The following KIAA1549L variants were observed in gnomAD, a reference collection of about 807,000 sequenced individuals.
KIAA1549L encodes KIAA1549 like.
In KIAA1549L, 88 loss-of-function variants were observed where a neutral mutation model predicts 160.7. The ratio of observed to expected loss-of-function variants is 0.55; its 90% CI spans 0.46 to 0.65. KIAA1549L has a LOEUF of 0.65. Ranked by LOEUF, KIAA1549L falls within the 30% of genes least tolerant of loss-of-function variation. The pLI, the probability that KIAA1549L is intolerant of heterozygous loss-of-function variation, is 0.00. For missense variants in KIAA1549L, 2,258 were observed against 2,437.5 expected, an observed-to-expected ratio of 0.93 and a Z score of 1.55; for synonymous variants, 950 against 976.7, an observed-to-expected ratio of 0.97 and a Z score of 0.51.
At chr11:33,467,296 A>C (rs1852083989) in intron 1 of KIAA1549L, among the ~76,000 whole-genome samples, 1 of 152,220 alleles carries the variant, frequency 6.6e-6, no homozygotes, top group Non-Finnish European at 1.5e-5. Context: ...TGAGAATGTC[A>C]GTCTGTTTTG....
intron 1 of KIAA1549L, among the ~76,000 whole-genome samples, chr11:33,535,316 G>A (rs185063863): frequency 4.0e-5 from 6 of 151,886 alleles, no homozygotes; most frequent in Non-Finnish European, 7.4e-5. Context: ...TGCAATATGC[G>A]GTATTATATA....
chr11:33,466,753 T>G (rs897054805), intron 1 of KIAA1549L, among the ~76,000 whole-genome samples: 1 of 151,758 alleles, frequency 6.6e-6, no homozygotes, highest in Admixed American at 6.6e-5. Context: ...ATAAAGAAAA[T>G]GTGGCACATA....
chr11:33,398,797 A>G (rs1850438208), intron 1 of KIAA1549L, among the ~76,000 whole-genome samples: 1 of 152,178 alleles, frequency 6.6e-6, no homozygotes, highest in African/African-American at 2.4e-5. Flanking sequence ...AATTCATCAC[A>G]ATCTCTGAAT....
intron 1 of KIAA1549L, among the ~76,000 whole-genome samples, chr11:33,510,000 G>T (rs1221295143): frequency 6.6e-6 from 1 of 152,168 alleles, no homozygotes; most frequent in Non-Finnish European, 1.5e-5. Flanking sequence ...ATGAGAGTGG[G>T]TTTTGAGGGA....
In KIAA1549L at chr11:33,542,025, C is replaced by G. The variant is rs1462643383; in HGVS notation, c.462C>G (p.Asp154Glu). Reference sequence around the variant, plus strand: ...ACCACAGAACTAGGGCTCACGCGGACTTCTCTTCTTCCCTTTACCAAGGAA... The same window carrying G: ...ACCACAGAACTAGGGCTCACGCGGAGTTCTCTTCTTCCCTTTACCAAGGAA... ...KTHHRTRAHA[D>E]FSSSLYQGSG... Residue 154 changes from aspartate to glutamate, a missense_variant, in exon 2 of 21, where the codon GAC becomes GAG. Physicochemically the swap from Asp to Glu is conservative, Grantham distance 45. Around this residue, in one of 6 missense-constraint regions of KIAA1549L, gnomAD observed 540 missense variants for 465.7 expected, o/e 1.16. Coordinates refer to ENST00000658780, the MANE Select transcript of KIAA1549L (RefSeq NM_012194.3). 1 of 457,710 alleles carries G rather than the reference C, an allele frequency of 2.2e-6. No homozygotes were observed. The highest frequency in any genetic ancestry group is 6.9e-5 in the East Asian group (1 of 14,428). 28.4% of individuals were successfully genotyped at this position (457,710 alleles called of 1,614,324 possible).
chr11:33,583,958 T>TA (rs898533638), intron 11 of KIAA1549L, among the ~76,000 whole-genome samples: 2 of 152,160 alleles, frequency 1.3e-5, no homozygotes, highest in African/African-American at 4.8e-5. Context: ...TCCACAGATT[T>TA]ATATGTTGAA....
At chr11:33,567,185 T>A (rs769027368) in intron 8 of KIAA1549L, among the ~76,000 whole-genome samples, 39 of 152,326 alleles carry the variant, frequency 2.6e-4, no homozygotes, top group East Asian at 1.9e-4. Context: ...TGGCTATAGA[T>A]GAAGCCTAGC....
chr11:33,659,734 G>A (rs1590457593), intron 19 of KIAA1549L, among the ~76,000 whole-genome samples: 1 of 152,200 alleles, frequency 6.6e-6, no homozygotes, highest in Non-Finnish European at 1.5e-5. Context: ...ACTCTCCTGG[G>A]AGGAAAACAC....
intron 1 of KIAA1549L, among the ~76,000 whole-genome samples, chr11:33,510,788 C>T (rs1853211276): frequency 6.6e-6 from 1 of 152,210 alleles, no homozygotes; most frequent in African/African-American, 2.4e-5. Context: ...AGTGGGTGTT[C>T]CTCAGAGTCA....
At chr11:33,584,149 G>C (rs1855735878) in intron 11 of KIAA1549L, among the ~76,000 whole-genome samples, 1 of 152,230 alleles carries the variant, frequency 6.6e-6, no homozygotes, top group South Asian at 2.1e-4. Flanking sequence ...CCTCACCTCT[G>C]ACCATCCTGG....
intron 16 of KIAA1549L, among the ~76,000 whole-genome samples, chr11:33,632,165 A>G (rs1590418609): frequency 6.6e-6 from 1 of 152,190 alleles, no homozygotes; most frequent in South Asian, 2.1e-4. Context: ...AAATCCAGGC[A>G]TGGTTTGGTT....
intron 1 of KIAA1549L, among the ~76,000 whole-genome samples, chr11:33,482,808 T>TATCC (rs1441300029): frequency 6.6e-6 from 1 of 151,994 alleles, no homozygotes; most frequent in Non-Finnish European, 1.5e-5. Flanking sequence ...GACTTCAAGT[T>TATCC]ATCCACCCGC....
At chr11:33,417,863 C>T (rs1040708775) in intron 1 of KIAA1549L, among the ~76,000 whole-genome samples, 7 of 151,418 alleles carry the variant, frequency 4.6e-5, no homozygotes, top group Admixed American at 2.0e-4. Flanking sequence ...CTGCAACCTT[C>T]GCCTCTTGGG....
chr11:33,545,168 G>C lies in KIAA1549L; in HGVS notation c.3175G>C (p.Glu1059Gln). The change falls in exon 3 of 21, where the codon GAG becomes CAG. Residue 1059 changes from glutamate to glutamine, a missense_variant. By Grantham distance (29) the Glu-to-Gln change is conservative. Coordinates refer to ENST00000658780, the MANE Select transcript of KIAA1549L (RefSeq NM_012194.3). ...HTGLPNPTNL[E>Q]MPRASTPRPL... ...CGGCCTCCCAAACCCCACCAACCTG[G>C]AGATGCCCAGAGCATCCACGCCACG... The C allele has an allele frequency of 6.2e-7, 1 of 1,613,948 alleles. No individual in the cohort carries two copies. The highest frequency in any genetic ancestry group is 8.5e-7 in the Non-Finnish European group (1 of 1,179,876).
At chr11:33,565,677 C>T (rs1855023361) in intron 8 of KIAA1549L, among the ~76,000 whole-genome samples, 1 of 151,502 alleles carries the variant, frequency 6.6e-6, no homozygotes, top group African/African-American at 2.4e-5. Flanking sequence ...GTGAGAGATT[C>T]CCACAGCCTC....
At chr11:33,614,916 C>T (rs527638541) in intron 15 of KIAA1549L, among the ~76,000 whole-genome samples, 8 of 151,892 alleles carry the variant, frequency 5.3e-5, no homozygotes, top group African/African-American at 1.9e-4. Flanking sequence ...GGGCCTCAAG[C>T]TATATTTTTA....
chr11:33,412,027 C>T (rs1850795241), intron 1 of KIAA1549L, among the ~76,000 whole-genome samples: 1 of 152,186 alleles, frequency 6.6e-6, no homozygotes, highest in Admixed American at 6.5e-5. Context: ...AATTGCAGGT[C>T]TGAAATGTAG....
intron 17 of KIAA1549L, among the ~76,000 whole-genome samples, 197 bp downstream of exon 17, chr11:33,646,233 A>C (rs1851720507): frequency 1.3e-5 from 2 of 152,236 alleles, no homozygotes; most frequent in South Asian, 4.1e-4. Context: ...TGGACAATGC[A>C]CGTGAGAATC....
chr11:33,590,563 A>G (rs1429770989), intron 11 of KIAA1549L, among the ~76,000 whole-genome samples: 2 of 152,222 alleles, frequency 1.3e-5, no homozygotes, highest in Non-Finnish European at 2.9e-5. Context: ...TTTCCCAGGA[A>G]TGCATTATAG....
Sources: gnomAD v4.1 joint callset for allele counts (sites outside exome capture counted in the v4.1 genomes callset) on GRCh38, gnomAD v4.1.1 for gene constraint, gnomAD v4.1.1 regional missense constraint, MANE v1.5 for transcripts, NCBI Gene and HGNC (gene_info 2026-07-23, HGNC 2026-07-21) for gene names.